HSD11B1L: variants seen among roughly 807,000 people sequenced by gnomAD.
HSD11B1L encodes the protein hydroxysteroid 11-beta-dehydrogenase 1-like protein.
In HSD11B1L, 22 loss-of-function variants were observed where a neutral mutation model predicts 27.0. That is an observed-to-expected ratio of 0.81 (90% confidence interval 0.58 to 1.16). The LOEUF is 1.16. Ranked by LOEUF, HSD11B1L falls within the 50% of genes most tolerant of loss-of-function variation. The pLI is 0.00. For missense variants in HSD11B1L, 372 were observed against 401.8 expected, an observed-to-expected ratio of 0.93 and a Z score of 0.63; for synonymous variants, 187 against 189.2, an observed-to-expected ratio of 0.99 and a Z score of 0.09.
chr19:5,687,099 TCCCGCCCCAGC>T lies in HSD11B1L; in HGVS notation c.408+110_408+120del, dbSNP rs569923223. ...TTCTCCAGGGAGGGCTCTCCACCCG[TCCCGCCCCAGC>T]CACGCCCCTCCTAGCCCAAGCCCCT... On this transcript the variant is annotated intron_variant, in intron 5 of 7. Transcript: ENST00000339423. The surrounding 1 kb of genome is among the most constrained non-coding windows in gnomAD (Gnocchi z 6.6). 207 of 1,169,832 alleles carry T rather than the reference TCCCGCCCCAGC, an allele frequency of 1.8e-4. 1 individual carries two copies. In the African/African-American group the frequency reaches 2.9e-3, roughly 16 times the overall value. The allele number at this position is 1,169,832 out of a possible 1,614,324, so 72.5% of individuals were successfully genotyped here.
Position 5,686,574 on chromosome 19 carries a change from C to CTCTA in HSD11B1L, c.316+47_316+48insTCTA, listed in dbSNP as rs777450761. On this transcript the variant is annotated intron_variant, in intron 4 of 7. Coordinates refer to ENST00000339423, the MANE Select transcript of HSD11B1L (RefSeq NM_198706.3). Reference sequence around the variant, plus strand: ...CTGGAGTCCGGGACCGTGGCCTAGGCCTTAGGGACAGGACCAGAATTGGGC... The same window carrying CTCTA: ...CTGGAGTCCGGGACCGTGGCCTAGGCTCTACTTAGGGACAGGACCAGAATTGGGC... The CTCTA allele has an allele frequency of 1.7e-5, 24 of 1,441,828 alleles. No individual in the cohort carries two copies. The East Asian group carries it at 5.1e-4, about 31-fold the overall frequency. The allele number at this position is 1,441,828 out of a possible 1,614,324, so 89.3% of individuals were successfully genotyped here.
Position 5,686,898 on chromosome 19 carries a change from A to T in HSD11B1L, c.317-2A>T. ...CGGGGCTGACCGGCGTTTCTGGGCC[A>T]GGCGGGCTGGACTACCTCGTGCTGA... On this transcript the variant is annotated splice_acceptor_variant, in intron 4 of 7. Transcript: ENST00000339423. LOFTEE classifies it high-confidence loss of function. 1 of 1,544,218 alleles carries T rather than the reference A, an allele frequency of 6.5e-7. No individual in the cohort carries two copies. The highest frequency in any genetic ancestry group is 8.7e-7 in the Non-Finnish European group (1 of 1,144,342).
chr19:5,686,557 C>G (rs753112042), intron 4 of HSD11B1L, 30 bp downstream of exon 4: 2 of 1,524,094 alleles, frequency 1.3e-6, no homozygotes, highest in Non-Finnish European at 8.9e-7. Flanking sequence ...GCCTGGAGTC[C>G]GGGACCGTGG....
In HSD11B1L at chr19:5,685,275, G is replaced by T; in HGVS notation, c.204+156G>T. On this transcript the variant is annotated intron_variant, in intron 3 of 7. Transcript: ENST00000339423. The surrounding 1 kb of genome is among the most constrained non-coding windows in gnomAD (Gnocchi z 4.3). Reference sequence around the variant, plus strand: ...TCTCAGTTTCCTCATTTGCAAAACGGGGACAATAAAACCACTTTCTGGCCA... The same window carrying T: ...TCTCAGTTTCCTCATTTGCAAAACGTGGACAATAAAACCACTTTCTGGCCA... The T allele has an allele frequency of 9.4e-7, 1 of 1,066,632 alleles. No homozygotes were observed. The highest frequency in any genetic ancestry group is 1.4e-6 in the Non-Finnish European group (1 of 718,892). 66.1% of individuals were successfully genotyped at this position (1,066,632 alleles called of 1,614,324 possible). A position where few individuals can be genotyped will look rare whatever the true frequency, so the allele number is the denominator to read the frequency against.
rs1825901096 is a variant in HSD11B1L at position 5,687,973 on chromosome 19, G to A, written c.*28G>A. The stretch of plus-strand genomic sequence containing the variant: ...ACCGGGGGGTGCCCCTCCAGTCCCA[G>A]ACGGCAATGTTCCTCCCTCCAACTG... On this transcript the variant is annotated 3_prime_UTR_variant, in exon 8 of 8. Coordinates refer to ENST00000339423, the MANE Select transcript of HSD11B1L (RefSeq NM_198706.3). This position sits in a 1 kb window ranked among gnomAD's most constrained non-coding sequence, Gnocchi z 6.6. 6.4e-7 allele frequency: 1 copy of A among 1,554,076 alleles called. No homozygotes were observed. The highest frequency in any genetic ancestry group is 8.7e-7 in the Non-Finnish European group (1 of 1,148,248).
Position 5,687,727 on chromosome 19 carries a change from TC to T in HSD11B1L, c.669-22del. On this transcript the variant is annotated intron_variant, in intron 7 of 7. Coordinates refer to ENST00000339423, the MANE Select transcript of HSD11B1L (RefSeq NM_198706.3). The surrounding 1 kb of genome is among the most constrained non-coding windows in gnomAD (Gnocchi z 6.6). ...GGCCATGGCCCAGCCCCAGCCGCAGTCCCCACCGTGCCCTCCTGTCCCCAGG... is the reference window on the plus strand; with the variant it reads ...GGCCATGGCCCAGCCCCAGCCGCAGTCCCACCGTGCCCTCCTGTCCCCAGG... 6.7e-7 allele frequency: 1 copy of T among 1,499,586 alleles called. No homozygotes were observed. 92.9% of individuals were successfully genotyped at this position (1,499,586 alleles called of 1,614,324 possible). A position where few individuals can be genotyped will look rare whatever the true frequency, so the allele number is the denominator to read the frequency against.
In HSD11B1L at chr19:5,685,922, A is replaced by T. The variant is rs1006408599; in HGVS notation, c.205-494A>T. Reference sequence around the variant, plus strand: ...CTGTCTCAAACAAACAAACAAAAAAACCCACCTTCTCATGGGTTAGGATGT... The same window carrying T: ...CTGTCTCAAACAAACAAACAAAAAATCCCACCTTCTCATGGGTTAGGATGT... On this transcript the variant is annotated intron_variant, in intron 3 of 7. Transcript: ENST00000339423. The surrounding 1 kb of genome is among the most constrained non-coding windows in gnomAD (Gnocchi z 4.3). Among the ~76,000 whole-genome samples the T allele has an allele frequency of 4.6e-5, 7 of 152,230 alleles. No individual in the cohort carries two copies. In the South Asian group the frequency reaches 1.5e-3, roughly 32 times the overall value.
At position 5,687,988 on chromosome 19, in the gene HSD11B1L, C is replaced by T. The variant is rs748278231; in HGVS notation, c.*43C>T. On this transcript the variant is annotated 3_prime_UTR_variant, in exon 8 of 8. Transcript: ENST00000339423. This position sits in a 1 kb window ranked among gnomAD's most constrained non-coding sequence, Gnocchi z 6.6. The stretch of plus-strand genomic sequence containing the variant: ...TCCAGTCCCAGACGGCAATGTTCCT[C>T]CCTCCAACTGTCCCTGGAGCCAGAA... The T allele has an allele frequency of 1.9e-6, 3 of 1,551,996 alleles. No individual in the cohort carries two copies. The highest frequency in any genetic ancestry group is 8.7e-7 in the Non-Finnish European group (1 of 1,147,252).
rs2054739585 is a variant in HSD11B1L at position 5,687,669 on chromosome 19, G to A, written c.668+1G>A. ...GCGCCTCCGCCGCCGAGGCAGTCAG[G>A]TGAGGCCCGGACAAGCTGGGGGCTG... is the stretch of plus-strand genomic sequence containing the variant. On this transcript the variant is annotated splice_donor_variant, in intron 7 of 7. Transcript: ENST00000339423. LOFTEE classifies it high-confidence loss of function. This position sits in a 1 kb window ranked among gnomAD's most constrained non-coding sequence, Gnocchi z 6.6. 1.3e-6 allele frequency: 2 copies of A among 1,577,446 alleles called. No homozygotes were observed. The highest frequency in any genetic ancestry group is 1.7e-6 in the Non-Finnish European group (2 of 1,167,188).
chr19:5,686,155 A>G (rs2054684364), intron 3 of HSD11B1L, among the ~76,000 whole-genome samples: 1 of 152,196 alleles, frequency 6.6e-6, no homozygotes, highest in Non-Finnish European at 1.5e-5. Flanking sequence ...GAAGCTAGCA[A>G]TCAGGAAATT....
Position 5,687,241 on chromosome 19 carries a change from G to A in HSD11B1L, c.409-41G>A. ...GGGTTTCTGGCCCCGCCCTGCCCCT[G>A]GGCTCCGCCTCTGCCGGTGACTCGC... On this transcript the variant is annotated intron_variant, in intron 5 of 7. Transcript: ENST00000339423. This position sits in a 1 kb window ranked among gnomAD's most constrained non-coding sequence, Gnocchi z 6.6. 3 of 1,601,456 alleles carry A rather than the reference G, an allele frequency of 1.9e-6. No individual in the cohort carries two copies. Among genetic ancestry groups the A allele is most frequent in the Non-Finnish European group, 2.6e-6 (3 of 1,172,858 alleles).
chr19:5,687,657 C>T lies in HSD11B1L; in HGVS notation c.657C>T (p.Ala219=), dbSNP rs377447728. ...GCCTCCGAGATCGCGCCTCCGCCGC[C>T]GAGGCAGTCAGGTGAGGCCCGGACA... is the stretch of plus-strand genomic sequence containing the variant. ...VLGLRDRASA[A]EAVRGVTRVK... Residue 219 remains alanine (A), a synonymous_variant, in exon 7 of 8, where the codon GCC becomes GCT. Coordinates refer to ENST00000339423, the MANE Select transcript of HSD11B1L (RefSeq NM_198706.3). This position sits in a 1 kb window ranked among gnomAD's most constrained non-coding sequence, Gnocchi z 6.6. The T allele has an allele frequency of 3.8e-6, 6 of 1,585,482 alleles. No homozygotes were observed. The highest frequency in any genetic ancestry group is 2.3e-5 in the East Asian group (1 of 43,828).
At chr19:5,684,416 G>GA in intron 1 of HSD11B1L, 1 of 367,800 alleles carries the variant, frequency 2.7e-6, no homozygotes, top group Non-Finnish European at 4.9e-6. Context: ...CAGCCCACGA[G>GA]AAGGCCCTGA....
Position 5,687,749 on chromosome 19 carries a change from C to G in HSD11B1L, c.669-4C>G, listed in dbSNP as rs2145561976. 1 of 1,486,350 alleles carries G rather than the reference C, an allele frequency of 6.7e-7. No homozygotes were observed. The highest frequency in any genetic ancestry group is 2.5e-5 in the Admixed American group (1 of 39,284). 92.1% of individuals were successfully genotyped at this position (1,486,350 alleles called of 1,614,324 possible). A position where few individuals can be genotyped will look rare whatever the true frequency, so the allele number is the denominator to read the frequency against. ...CAGTCCCCACCGTGCCCTCCTGTCCCCAGGGGAGTCACGAGGGTCAAGGCG... is the reference window on the plus strand; with the variant it reads ...CAGTCCCCACCGTGCCCTCCTGTCCGCAGGGGAGTCACGAGGGTCAAGGCG... On this transcript the variant is annotated splice_polypyrimidine_tract_variant and splice_region_variant and intron_variant, in intron 7 of 7. Transcript: ENST00000339423. This position sits in a 1 kb window ranked among gnomAD's most constrained non-coding sequence, Gnocchi z 6.6.
At chr19:5,682,543 T>A (rs576735025) in intron 1 of HSD11B1L, among the ~76,000 whole-genome samples, 1 of 152,082 alleles carries the variant, frequency 6.6e-6, no homozygotes, top group South Asian at 2.1e-4. Flanking sequence ...GGGTCTCCCA[T>A]TTAGGGACAG....
chr19:5,688,274 C>G lies in HSD11B1L; in HGVS notation c.*329C>G. 8.6e-7 allele frequency: 1 copy of G among 1,158,572 alleles called. No homozygotes were observed. Among genetic ancestry groups the G allele is most frequent in the Non-Finnish European group, 1.2e-6 (1 of 830,986 alleles). 71.8% of individuals were successfully genotyped at this position (1,158,572 alleles called of 1,614,324 possible). A position where few individuals can be genotyped will look rare whatever the true frequency, so the allele number is the denominator to read the frequency against. Reference sequence around the variant, plus strand: ...CGCCACCCTTGAGCCACCCATGGACCCCTCTCCATCTCCTGCCTGCGCCTT... The same window carrying G: ...CGCCACCCTTGAGCCACCCATGGACGCCTCTCCATCTCCTGCCTGCGCCTT... On this transcript the variant is annotated 3_prime_UTR_variant, in exon 8 of 8. Transcript: ENST00000339423.
intron 1 of HSD11B1L, chr19:5,684,442 G>A: frequency 2.5e-6 from 1 of 392,826 alleles, no homozygotes; most frequent in Non-Finnish European, 4.6e-6. Context: ...GATAGTGACT[G>A]GCTGGTTTCA....
intron 1 of HSD11B1L, 99 bp from the exon 2 acceptor site, chr19:5,684,720 G>C: frequency 1.9e-6 from 3 of 1,574,168 alleles, no homozygotes; most frequent in Non-Finnish European, 8.6e-7. Flanking sequence ...GGATAGGAAG[G>C]CGTGGATCCA....
In HSD11B1L at chr19:5,687,442, G is replaced by A; in HGVS notation, c.503-61G>A. 6 of 1,594,514 alleles carry A rather than the reference G, an allele frequency of 3.8e-6. No individual in the cohort carries two copies. Among genetic ancestry groups the A allele is most frequent in the Non-Finnish European group, 4.3e-6 (5 of 1,174,432 alleles). On this transcript the variant is annotated intron_variant, in intron 6 of 7. Transcript: ENST00000339423. This position sits in a 1 kb window ranked among gnomAD's most constrained non-coding sequence, Gnocchi z 6.6. The stretch of plus-strand genomic sequence containing the variant: ...GAGCTCGATGCGGGTGAGCCTGGAG[G>A]GTCTGGGCAGGCTTCCCGGACGAGG...
Sources: gnomAD v4.1 joint callset for allele counts (sites outside exome capture counted in the v4.1 genomes callset) on GRCh38, gnomAD v4.1.1 for gene constraint, Gnocchi (gnomAD v3.1) non-coding constraint, MANE v1.5 for transcripts, NCBI Gene and HGNC (gene_info 2026-07-23, HGNC 2026-07-21) for gene names.